Variants in SLC25A21 observed in about 807,000 individuals in gnomAD.
SLC25A21 encodes the protein mitochondrial 2-oxodicarboxylate carrier.
A neutral mutation model predicts 43.8 loss-of-function variants in SLC25A21; 47 were observed. That is an observed-to-expected ratio of 1.07 (90% CI 0.85 to 1.37). SLC25A21 has a LOEUF of 1.37. Ranked by LOEUF, SLC25A21 falls within the 40% of genes most tolerant of loss-of-function variation. The pLI is 0.00. For synonymous variants in SLC25A21, 131 were observed against 121.3 expected (o/e 1.08, Z -0.52); for missense variants, 352 against 350.2 (o/e 1.00, Z -0.04).
At chr14:37,096,857 A>C (rs1235803496) in intron 1 of SLC25A21, among the ~76,000 whole-genome samples, 1 of 151,926 alleles carries the variant, frequency 6.6e-6, no homozygotes, top group East Asian at 1.9e-4. Flanking sequence ...TCACCTCAGG[A>C]TTGGTCAGTC....
At chr14:36,880,901 C>T (rs780677504) in intron 1 of SLC25A21, among the ~76,000 whole-genome samples, 6 of 152,126 alleles carry the variant, frequency 3.9e-5, no homozygotes, top group Admixed American at 2.0e-4. Context: ...TGCAGAGTAA[C>T]GTGCTAGGTG....
At chr14:36,781,134 T>C (rs761491921) in intron 3 of SLC25A21, among the ~76,000 whole-genome samples, 1 of 152,318 alleles carries the variant, frequency 6.6e-6, no homozygotes, top group African/African-American at 2.4e-5. Context: ...TGTATAAGGA[T>C]AGCCATCCCT....
chr14:36,729,581 C>A lies in SLC25A21; in HGVS notation c.271-15G>T. 1 of 1,598,660 alleles carries A rather than the reference C, an allele frequency of 6.3e-7. No homozygotes were observed. The highest frequency in any genetic ancestry group is 8.5e-7 in the Non-Finnish European group (1 of 1,174,064). ...AAGGTGAAAAACTGTGAAACAAAAC[C>A]AAACTCACAGATTTATAACAATTTT... On this transcript the variant is annotated splice_polypyrimidine_tract_variant and intron_variant, in intron 4 of 9. Coordinates refer to ENST00000331299, the MANE Select transcript of SLC25A21 (RefSeq NM_030631.4).
chr14:37,077,422 T>G (rs896435269), intron 1 of SLC25A21, among the ~76,000 whole-genome samples: 12 of 152,172 alleles, frequency 7.9e-5, no homozygotes, highest in Non-Finnish European at 1.6e-4. Flanking sequence ...TCCCTTTACT[T>G]GACTACCTTC....
At chr14:36,875,162 C>A (rs1890483927) in intron 1 of SLC25A21, among the ~76,000 whole-genome samples, 158 bp from the exon 2 acceptor site, 1 of 152,114 alleles carries the variant, frequency 6.6e-6, no homozygotes, top group Non-Finnish European at 1.5e-5. Context: ...AAGACAGAAG[C>A]ATAATATGAT....
intron 1 of SLC25A21, among the ~76,000 whole-genome samples, chr14:36,959,836 G>C (rs1959444798): frequency 6.6e-6 from 1 of 152,150 alleles, no homozygotes; most frequent in Admixed American, 6.5e-5. Flanking sequence ...ATTAAGAAAA[G>C]AGTTAAGACA....
At chr14:36,987,634 A>G (rs938207873) in intron 1 of SLC25A21, among the ~76,000 whole-genome samples, 1 of 152,132 alleles carries the variant, frequency 6.6e-6, no homozygotes, top group African/African-American at 2.4e-5. Flanking sequence ...ATGCTACATA[A>G]TATTTCATCA....
At chr14:37,008,162 C>T (rs907742288) in intron 1 of SLC25A21, among the ~76,000 whole-genome samples, 2 of 152,152 alleles carry the variant, frequency 1.3e-5, no homozygotes, top group Non-Finnish European at 2.9e-5. Context: ...GCATGAACCA[C>T]TGTGCCAGTG....
At chr14:36,697,634 T>C (rs1442319944) in intron 7 of SLC25A21, among the ~76,000 whole-genome samples, 2 of 152,166 alleles carry the variant, frequency 1.3e-5, no homozygotes, top group Non-Finnish European at 2.9e-5. Context: ...TTAGCTCTTC[T>C]TGTTGAATTG....
At chr14:36,767,481 G>A (rs1179920037) in intron 3 of SLC25A21, among the ~76,000 whole-genome samples, 2 of 152,228 alleles carry the variant, frequency 1.3e-5, no homozygotes, top group Non-Finnish European at 1.5e-5. Flanking sequence ...GCCTTAGAGA[G>A]AAGCTAGGAA....
intron 1 of SLC25A21, among the ~76,000 whole-genome samples, chr14:37,151,517 T>G (rs1204199686): frequency 6.6e-6 from 1 of 152,186 alleles, no homozygotes; most frequent in East Asian, 1.9e-4. Context: ...TCATTAACAC[T>G]CAAGTTCAAG....
intron 1 of SLC25A21, among the ~76,000 whole-genome samples, chr14:37,124,002 T>G (rs535780125): frequency 3.3e-5 from 5 of 152,190 alleles, no homozygotes; most frequent in Admixed American, 1.3e-4. Flanking sequence ...TGGTTTCATT[T>G]TCTTATCATT....
At chr14:37,062,449 C>A (rs571957377) in intron 1 of SLC25A21, among the ~76,000 whole-genome samples, 1 of 151,272 alleles carries the variant, frequency 6.6e-6, no homozygotes, top group South Asian at 2.1e-4. Flanking sequence ...CTCATATATT[C>A]GCAAAATAAT....
At chr14:36,737,304 GAGA>G (rs1445881209) in intron 3 of SLC25A21, among the ~76,000 whole-genome samples, 2 of 152,206 alleles carry the variant, frequency 1.3e-5, no homozygotes, top group Non-Finnish European at 2.9e-5. Context: ...TGATGCAGGA[GAGA>G]AGAAGAGGCA....
intron 1 of SLC25A21, among the ~76,000 whole-genome samples, chr14:36,910,206 G>C (rs956759791): frequency 2.0e-5 from 3 of 152,084 alleles, no homozygotes; most frequent in African/African-American, 7.2e-5. Context: ...TCTTATTTCA[G>C]GAATTCAACA....
chr14:36,703,183 T>C (rs1051220367), intron 7 of SLC25A21, among the ~76,000 whole-genome samples: 34 of 152,346 alleles, frequency 2.2e-4, no homozygotes, highest in African/African-American at 7.9e-4. Flanking sequence ...TAAATCATAC[T>C]ATGCTCTAAT....
intron 1 of SLC25A21, among the ~76,000 whole-genome samples, chr14:37,026,948 T>C (rs1046378058): frequency 1.3e-5 from 2 of 152,112 alleles, no homozygotes; most frequent in Non-Finnish European, 2.9e-5. Context: ...CAGACTTCTT[T>C]GAGAGGAGAA....
chr14:37,072,619 C>G (rs1477565247), intron 1 of SLC25A21, among the ~76,000 whole-genome samples: 1 of 152,182 alleles, frequency 6.6e-6, no homozygotes, highest in Non-Finnish European at 1.5e-5. Flanking sequence ...TGGTGGTGCA[C>G]ACCTCTAGGC....
At chr14:36,988,170 C>T (rs1017999209) in intron 1 of SLC25A21, among the ~76,000 whole-genome samples, 3 of 152,114 alleles carry the variant, frequency 2.0e-5, no homozygotes, top group Non-Finnish European at 4.4e-5. Flanking sequence ...TGTGTAATAT[C>T]GGGGGAGAGA....
Sources: allele counts gnomAD v4.1 joint callset (sites outside exome capture counted in the v4.1 genomes callset), GRCh38; gene constraint gnomAD v4.1.1; transcripts MANE v1.5; gene names NCBI Gene and HGNC (gene_info 2026-07-23, HGNC 2026-07-21).